The following DBX2 variants were observed in gnomAD, a reference collection of about 807,000 sequenced individuals.
DBX2 encodes homeobox protein DBX2.
DBX2 carries 16 observed loss-of-function variants against 17.7 expected under a neutral mutation model. The observed-to-expected ratio is 0.90, with a 90% CI of 0.61 to 1.37. The LOEUF is 1.37. DBX2 is among the 40% of genes most tolerant of loss of function. The pLI, the probability that DBX2 is intolerant of heterozygous loss-of-function variation, is 0.00. For missense variants in DBX2, 538 were observed against 433.8 expected (o/e 1.24, Z -2.13); for synonymous variants, 255 against 183.8 (o/e 1.39, Z -3.13).
intron 1 of DBX2, among the ~76,000 whole-genome samples, chr12:45,043,363 A>T (rs1339396075): frequency 3.9e-5 from 6 of 152,224 alleles, no homozygotes. Flanking sequence ...ACTAAGTCGT[A>T]AGAAACTGCA....
intron 2 of DBX2, among the ~76,000 whole-genome samples, chr12:45,034,529 T>C (rs765790219): frequency 2.0e-5 from 3 of 152,200 alleles, no homozygotes; most frequent in Non-Finnish European, 4.4e-5. Context: ...CAATACATTC[T>C]AGTTAAATGG....
intron 2 of DBX2, among the ~76,000 whole-genome samples, chr12:45,030,767 T>C (rs1444273268): frequency 3.3e-5 from 5 of 152,226 alleles, no homozygotes; most frequent in Non-Finnish European, 7.3e-5. Context: ...AGCGTAAGTC[T>C]ATGAAGCACC....
Position 45,050,637 on chromosome 12 carries a change from C to T in DBX2, c.291G>A (p.Ala97=), listed in dbSNP as rs1396555205. 1.9e-6 allele frequency: 3 copies of T among 1,549,988 alleles called. No individual in the cohort carries two copies. Among genetic ancestry groups the T allele is most frequent in the South Asian group, 1.2e-5 (1 of 84,100 alleles). Residue 97 remains alanine (A), a synonymous_variant, in exon 1 of 4, where the codon GCG becomes GCA. Coordinates refer to ENST00000332700, the MANE Select transcript of DBX2 (RefSeq NM_001004329.3). ...GAAAAGCCCACCGCGTTCCGTAGGG[C>T]GCCCCGGCGGGGCTAACTTGTTCGG... The part of the protein sequence containing the change: ...PAAEQVSPAG[A]PYGTRWAFQV...
chr12:45,040,984 A>T (rs1156493453), intron 1 of DBX2, among the ~76,000 whole-genome samples: 1 of 151,396 alleles, frequency 6.6e-6, no homozygotes, highest in Non-Finnish European at 1.5e-5. Flanking sequence ...CACTGCATTT[A>T]AGAAGGATGA....
At position 45,051,037 on chromosome 12, in the gene DBX2, T is replaced by G; in HGVS notation, c.-110A>C. 1.6e-6 allele frequency: 2 copies of G among 1,260,724 alleles called. No homozygotes were observed. Among genetic ancestry groups the G allele is most frequent in the Non-Finnish European group, 2.0e-6 (2 of 997,204 alleles). 78.1% of individuals were successfully genotyped at this position (1,260,724 alleles called of 1,614,324 possible). On this transcript the variant is annotated 5_prime_UTR_variant, in exon 1 of 4. Transcript: ENST00000332700. ...TTCTCGCCGCCGCCTCCCGCAGGGCTGGAGCGCGCGGAGCCAGGCAGGGAG... is the reference window on the plus strand; with the variant it reads ...TTCTCGCCGCCGCCTCCCGCAGGGCGGGAGCGCGCGGAGCCAGGCAGGGAG...
intron 2 of DBX2, among the ~76,000 whole-genome samples, chr12:45,031,191 A>AGTGTGTGTGTGTGTGTGTGT (rs113442613): frequency 7.0e-5 from 7 of 99,390 alleles, no homozygotes; most frequent in African/African-American, 1.8e-4. Flanking sequence ...CTTATTTTCA[A>AGTGTGTGTGTGTGTGTGTGT]GTGTGTGTGT....
intron 2 of DBX2, among the ~76,000 whole-genome samples, chr12:45,033,655 T>C (rs1199672635): frequency 2.6e-5 from 4 of 152,198 alleles, no homozygotes; most frequent in Non-Finnish European, 5.9e-5. Flanking sequence ...AAATTCATTT[T>C]AGAGTTATAA....
Position 45,050,645 on chromosome 12 carries a change from CG to C in DBX2, c.282del (p.Ala95ProfsTer48), listed in dbSNP as rs1248788104. ...KLCPAAEQVS[P>X]AGAPYGTRWA... ...CACCGCGTTCCGTAGGGCGCCCCGG[CG>C]GGGCTAACTTGTTCGGCTGCGGGGC... On this transcript the variant is annotated frameshift_variant, in exon 1 of 4. Coordinates refer to ENST00000332700, the MANE Select transcript of DBX2 (RefSeq NM_001004329.3). LOFTEE classifies it high-confidence loss of function. 1 of 1,549,670 alleles carries C rather than the reference CG, an allele frequency of 6.5e-7. No homozygotes were observed. The highest frequency in any genetic ancestry group is 8.7e-7 in the Non-Finnish European group (1 of 1,146,864).
At chr12:45,031,923 C>T (rs1368691987) in intron 2 of DBX2, among the ~76,000 whole-genome samples, 1 of 152,088 alleles carries the variant, frequency 6.6e-6, no homozygotes, top group Non-Finnish European at 1.5e-5. Context: ...ATAAGCAGCC[C>T]TGTTAGATTT....
chr12:45,022,864 T>C (rs368237589), intron 3 of DBX2, among the ~76,000 whole-genome samples: 226 of 152,280 alleles, frequency 1.5e-3, no homozygotes, highest in African/African-American at 5.3e-3. Flanking sequence ...ACATGGTATT[T>C]TTAGGTTAAA....
At chr12:45,022,308 T>TTC (rs1376113561) in intron 3 of DBX2, among the ~76,000 whole-genome samples, 7 of 138,870 alleles carry the variant, frequency 5.0e-5, no homozygotes, top group Admixed American at 4.4e-4. Flanking sequence ...GTTTTTTTTT[T>TTC]TTTTTTTTTT....
Position 45,042,785 on chromosome 12 carries a change from T to A in DBX2, c.404-6671A>T, listed in dbSNP as rs186236283. ...AACAACATGCTGTAGCAACAGGTGA[T>A]GACAAGCATTTGTGTGAACACTTCC... On this transcript the variant is annotated intron_variant, in intron 1 of 3. Transcript: ENST00000332700. Among the ~76,000 whole-genome samples, 23 of 152,280 alleles carry A rather than the reference T, an allele frequency of 1.5e-4. 1 individual carries two copies. The highest frequency in any genetic ancestry group is 6.5e-4 in the Admixed American group (10 of 15,302).
At chr12:45,026,091 T>TA (rs1946379953) in intron 2 of DBX2, among the ~76,000 whole-genome samples, 1 of 152,248 alleles carries the variant, frequency 6.6e-6, no homozygotes, top group African/African-American at 2.4e-5. Context: ...AAGTTTCACA[T>TA]AAAGTCCAGA....
At position 45,050,793 on chromosome 12, in the gene DBX2, C is replaced by G. The variant is rs573108342; in HGVS notation, c.135G>C (p.Arg45=). Residue 45 remains arginine (R), a synonymous_variant, in exon 1 of 4, where the codon CGG becomes CGC. Coordinates refer to ENST00000332700, the MANE Select transcript of DBX2 (RefSeq NM_001004329.3). ...GKSFLIENLL[R]VGGAPTPRLQ... is the part of the protein sequence containing the mutation. Reference sequence around the variant, plus strand: ...GCCTGGGCGTTGGGGCGCCCCCGACCCGCAGCAAATTCTCGATCAGGAAAC... The same window carrying G: ...GCCTGGGCGTTGGGGCGCCCCCGACGCGCAGCAAATTCTCGATCAGGAAAC... 51 of 1,529,622 alleles carry G rather than the reference C, an allele frequency of 3.3e-5. No homozygotes were observed. The highest frequency in any genetic ancestry group is 2.2e-4 in the South Asian group (18 of 81,306). The allele number at this position is 1,529,622 out of a possible 1,614,324, so 94.8% of individuals were successfully genotyped here. A position where few individuals can be genotyped will look rare whatever the true frequency, so the allele number is the denominator to read the frequency against.
rs181510057 is a variant in DBX2 at position 45,027,378 on chromosome 12, C to A, written c.500-3484G>T. Among the ~76,000 whole-genome samples the A allele has an allele frequency of 3.6e-3, 541 of 152,306 alleles. 8 individuals carry two copies. The highest frequency in any genetic ancestry group is 0.013 in the African/African-American group (521 of 41,554). ...ACTTAGAGCAAAGCTGGCACCAAGACCTTCTGAATTCAAATTAGTGGCTCT... is the reference window on the plus strand; with the variant it reads ...ACTTAGAGCAAAGCTGGCACCAAGAACTTCTGAATTCAAATTAGTGGCTCT... On this transcript the variant is annotated intron_variant, in intron 2 of 3. Coordinates refer to ENST00000332700, the MANE Select transcript of DBX2 (RefSeq NM_001004329.3).
At chr12:45,032,970 T>C (rs1946417973) in intron 2 of DBX2, among the ~76,000 whole-genome samples, 1 of 152,234 alleles carries the variant, frequency 6.6e-6, no homozygotes, top group African/African-American at 2.4e-5. Context: ...CTTGCGGTTG[T>C]AATATCAAAG....
chr12:45,016,843 G>A (rs1296155586), intron 3 of DBX2, among the ~76,000 whole-genome samples: 1 of 151,906 alleles, frequency 6.6e-6, no homozygotes, highest in African/African-American at 2.4e-5. Context: ...TGTCACCCTG[G>A]TGCAATCTCA....
intron 3 of DBX2, among the ~76,000 whole-genome samples, chr12:45,020,848 C>A (rs2643148): frequency 0.63 from 96,189 of 151,656 alleles, 30,952 homozygotes; most frequent in South Asian, 0.84. Context: ...CATGCATATA[C>A]AACACACATA....
intron 1 of DBX2, among the ~76,000 whole-genome samples, chr12:45,038,155 C>T (rs954266911): frequency 6.6e-6 from 1 of 151,794 alleles, no homozygotes; most frequent in African/African-American, 2.4e-5. Flanking sequence ...ATATGAAGTA[C>T]TTCAGAAAGA....
Sources: gnomAD v4.1 joint callset for allele counts (sites outside exome capture counted in the v4.1 genomes callset) on GRCh38, gnomAD v4.1.1 for gene constraint, MANE v1.5 for transcripts, NCBI Gene and HGNC (gene_info 2026-07-23, HGNC 2026-07-21) for gene names.